Variants in COL26A1 observed in about 807,000 individuals in gnomAD.
COL26A1 encodes the protein collagen type XXVI alpha 1 chain, also known as collagen alpha-1(XXVI) chain.
In COL26A1, 41 loss-of-function variants were observed where a neutral mutation model predicts 59.3. That is an observed-to-expected ratio of 0.69 (90% confidence interval 0.54 to 0.90). The LOEUF is 0.90. Ranked by LOEUF, COL26A1 falls within the 40% of genes least tolerant of loss-of-function variation. The probability of loss-of-function intolerance (pLI) is 0.00; values close to 1 mark genes in which losing one functional copy is unlikely to be tolerated. For synonymous variants in COL26A1, 266 were observed against 256.0 expected (o/e 1.04, Z -0.37); for missense variants, 612 against 602.3 (o/e 1.02, Z -0.17).
chr7:101,538,569 C>T (rs1795533178), intron 4 of COL26A1, among the ~76,000 whole-genome samples: 1 of 152,170 alleles, frequency 6.6e-6, no homozygotes, highest in Admixed American at 6.5e-5. Context: ...AGAATTGGCT[C>T]TGGGGGGTTA....
intron 3 of COL26A1, among the ~76,000 whole-genome samples, chr7:101,458,802 G>GTTTT (rs1562990595): frequency 2.6e-5 from 3 of 113,612 alleles, no homozygotes; most frequent in African/African-American, 3.6e-5. Context: ...TGAAACCTGG[G>GTTTT]TCTTTTTTTT....
intron 4 of COL26A1, among the ~76,000 whole-genome samples, chr7:101,537,762 C>T (rs1385532349): frequency 6.6e-6 from 1 of 152,028 alleles, no homozygotes; most frequent in Non-Finnish European, 1.5e-5. Context: ...AAGGCGGGAC[C>T]CCTCCCCAGA....
intron 8 of COL26A1, among the ~76,000 whole-genome samples, chr7:101,548,943 G>A (rs991548357): frequency 2.0e-5 from 3 of 152,192 alleles, no homozygotes; most frequent in Admixed American, 1.3e-4. Context: ...CGTGGACGAG[G>A]CCCTGGGAGG....
chr7:101,496,299 C>T (rs1314975989), intron 3 of COL26A1, among the ~76,000 whole-genome samples: 3 of 152,238 alleles, frequency 2.0e-5, no homozygotes, highest in Non-Finnish European at 2.9e-5. Context: ...TGAATAGGTT[C>T]ATTGCCCAAT....
intron 3 of COL26A1, among the ~76,000 whole-genome samples, chr7:101,483,759 C>T (rs778901500): frequency 5.9e-5 from 9 of 151,666 alleles, no homozygotes; most frequent in Non-Finnish European, 1.3e-4. Context: ...ACTGCAACCT[C>T]CACCTCCCGG....
At chr7:101,497,338 CTGAGCACCT>C (rs561736127) in intron 3 of COL26A1, among the ~76,000 whole-genome samples, 2 of 152,308 alleles carry the variant, frequency 1.3e-5, no homozygotes, top group African/African-American at 4.8e-5. Flanking sequence ...CTAACATGTA[CTGAGCACCT>C]TGAAACCCAG....
intron 3 of COL26A1, among the ~76,000 whole-genome samples, chr7:101,528,386 C>T (rs1795293738): frequency 1.3e-5 from 2 of 152,204 alleles, no homozygotes; most frequent in African/African-American, 4.8e-5. Flanking sequence ...AGTTCCTGGA[C>T]AGGCCAGGGC....
At chr7:101,390,148 G>GTTTT (rs60091954) in intron 1 of COL26A1, among the ~76,000 whole-genome samples, 82 of 72,334 alleles carry the variant, frequency 1.1e-3, no homozygotes, top group Non-Finnish European at 1.7e-3. Context: ...CATGTTAAGG[G>GTTTT]TTTTTTTTTT....
intron 3 of COL26A1, among the ~76,000 whole-genome samples, chr7:101,509,932 T>C (rs1410300268): frequency 2.0e-5 from 3 of 151,886 alleles, no homozygotes; most frequent in African/African-American, 7.3e-5. Flanking sequence ...TTCACCATGT[T>C]GGCCAGGCTG....
intron 2 of COL26A1, among the ~76,000 whole-genome samples, chr7:101,430,641 A>G (rs1392293373): frequency 6.6e-6 from 1 of 151,508 alleles, no homozygotes; most frequent in African/African-American, 2.4e-5. Flanking sequence ...TAAAAACACA[A>G]TTGATATTTA....
chr7:101,467,761 G>C (rs1461071472), intron 3 of COL26A1, among the ~76,000 whole-genome samples: 22 of 152,246 alleles, frequency 1.4e-4, no homozygotes, highest in Admixed American at 1.4e-3. Context: ...CAGCTACTTG[G>C]GAGGCTGAGG....
chr7:101,434,496 A>G (rs1341810039), intron 2 of COL26A1, among the ~76,000 whole-genome samples: 1 of 151,714 alleles, frequency 6.6e-6, no homozygotes, highest in Non-Finnish European at 1.5e-5. Flanking sequence ...TCCTGAACGC[A>G]AGTGATCCTC....
chr7:101,549,201 C>A lies in COL26A1; in HGVS notation c.971C>A (p.Pro324His), dbSNP rs1204392855. The A allele has an allele frequency of 1.2e-6, 2 of 1,605,686 alleles. No homozygotes were observed. The highest frequency in any genetic ancestry group is 1.7e-4 in the Middle Eastern group (1 of 6,044). ...GPPGPRGPPG[P>H]PGTPGSQGLA... ...CCTGGGCCTCGAGGTCCCCCAGGAC[C>A]CCCAGGAACACCTGGATCCCAGGTA... Residue 324 changes from proline to histidine, a missense_variant, in exon 9 of 13, where the codon CCC becomes CAC. Physicochemically the swap from Pro to His is moderately conservative, Grantham distance 77. Coordinates refer to ENST00000313669, the MANE Select transcript of COL26A1 (RefSeq NM_001278563.3).
At chr7:101,411,879 A>G (rs1232487540) in intron 1 of COL26A1, among the ~76,000 whole-genome samples, 2 of 152,138 alleles carry the variant, frequency 1.3e-5, no homozygotes, top group Non-Finnish European at 1.5e-5. Context: ...TCAAGGCTGC[A>G]GTGAGCTATG....
At chr7:101,529,951 G>C (rs1019534916) in intron 3 of COL26A1, among the ~76,000 whole-genome samples, 1 of 152,178 alleles carries the variant, frequency 6.6e-6, no homozygotes, top group South Asian at 2.1e-4. Context: ...GCAGGCATTC[G>C]GGTCTGTGCA....
chr7:101,426,164 G>A (rs1284016708), intron 2 of COL26A1, among the ~76,000 whole-genome samples: 1 of 152,010 alleles, frequency 6.6e-6, no homozygotes, highest in Non-Finnish European at 1.5e-5. Context: ...TTTCTTAAGA[G>A]TCTGCTGCAA....
intron 1 of COL26A1, among the ~76,000 whole-genome samples, chr7:101,412,447 C>A (rs1323275238): frequency 6.6e-6 from 1 of 152,024 alleles, no homozygotes; most frequent in Non-Finnish European, 1.5e-5. Context: ...GAGTTTGACA[C>A]CAGCCTGATT....
intron 2 of COL26A1, among the ~76,000 whole-genome samples, chr7:101,425,911 C>T (rs1216614688): frequency 6.6e-6 from 1 of 150,740 alleles, no homozygotes; most frequent in Non-Finnish European, 1.5e-5. Context: ...ACTGCAACTT[C>T]TGCTTCCCGG....
intron 3 of COL26A1, among the ~76,000 whole-genome samples, chr7:101,495,433 G>C (rs940903779): frequency 6.6e-6 from 1 of 151,168 alleles, no homozygotes; most frequent in African/African-American, 2.4e-5. Context: ...TTTTAAGATG[G>C]AGTCTCGCTC....
Sources: allele counts gnomAD v4.1 joint callset (sites outside exome capture counted in the v4.1 genomes callset), GRCh38; gene constraint gnomAD v4.1.1; transcripts MANE v1.5; gene names NCBI Gene and HGNC (gene_info 2026-07-23, HGNC 2026-07-21).